SF3B3: variants seen among roughly 807,000 people sequenced by gnomAD.
The protein encoded by SF3B3 is SAP 130.
In SF3B3, 33 loss-of-function variants were observed where a neutral mutation model predicts 139.2. The observed-to-expected ratio is 0.24, with a 90% confidence interval of 0.18 to 0.32. SF3B3 has a LOEUF of 0.32. Among genes scored for constraint, SF3B3 ranks in the 10% least tolerant of loss-of-function variants. The pLI, the probability that SF3B3 is intolerant of heterozygous loss-of-function variation, is 1.00. For synonymous variants in SF3B3, 596 were observed against 563.6 expected, an observed-to-expected ratio of 1.06 and a Z score of -0.81; for missense variants, 818 against 1,509.4, an observed-to-expected ratio of 0.54 and a Z score of 7.59.
In SF3B3 at chr16:70,576,319, C is replaced by T. The variant is rs1208190381; in HGVS notation, c.*4506C>T. ...GCCCCACCCTACCCCACCCCACCCCCGTATGCAGCATCTCTGGCGGTGCCC... is the reference window on the plus strand; with the variant it reads ...GCCCCACCCTACCCCACCCCACCCCTGTATGCAGCATCTCTGGCGGTGCCC... On this transcript the variant is annotated 3_prime_UTR_variant, in exon 26 of 26. Coordinates refer to ENST00000302516, the MANE Select transcript of SF3B3 (RefSeq NM_012426.5). 6.6e-6 allele frequency: 1 copy of T among 150,880 alleles called. No homozygotes were observed. The highest frequency in any genetic ancestry group is 1.5e-5 in the Non-Finnish European group (1 of 67,776). 9.3% of individuals were successfully genotyped at this position (150,880 alleles called of 1,614,324 possible). A position where few individuals can be genotyped will look rare whatever the true frequency, so the allele number is the denominator to read the frequency against.
Position 70,568,239 on chromosome 16 carries a change from C to G in SF3B3, c.2953-44C>G, listed in dbSNP as rs561708035. On this transcript the variant is annotated intron_variant, in intron 21 of 25. Coordinates refer to ENST00000302516, the MANE Select transcript of SF3B3 (RefSeq NM_012426.5). The stretch of plus-strand genomic sequence containing the variant: ...GCTGGGCTTTCTTTGGGTTCTGAAC[C>G]CCAAGATTACACCCACCATCACTAT... 4.7e-6 allele frequency: 7 copies of G among 1,480,720 alleles called. No homozygotes were observed. In the African/African-American group the frequency reaches 5.5e-5, roughly 12 times the overall value. 91.7% of individuals were successfully genotyped at this position (1,480,720 alleles called of 1,614,324 possible).
chr16:70,541,018 C>T (rs547493123), intron 8 of SF3B3, among the ~76,000 whole-genome samples: 2 of 152,118 alleles, frequency 1.3e-5, no homozygotes, highest in African/African-American at 2.4e-5. Context: ...TGAGAAACCA[C>T]CAAACTTTCT....
At chr16:70,536,093 C>G (rs1249133660) in intron 6 of SF3B3, among the ~76,000 whole-genome samples, 1 of 151,952 alleles carries the variant, frequency 6.6e-6, no homozygotes, top group African/African-American at 2.4e-5. Context: ...TCATATTTCT[C>G]TCATTATCCC....
intron 8 of SF3B3, among the ~76,000 whole-genome samples, chr16:70,539,676 T>G (rs1242043011): frequency 6.6e-6 from 1 of 152,196 alleles, no homozygotes; most frequent in Non-Finnish European, 1.5e-5. Context: ...CTTACCTTCC[T>G]TTATTTTAGT....
intron 10 of SF3B3, among the ~76,000 whole-genome samples, chr16:70,545,523 T>C (rs1055832984): frequency 1.3e-5 from 2 of 152,220 alleles, no homozygotes; most frequent in Non-Finnish European, 2.9e-5. Context: ...AGTCCTAATG[T>C]TAATGCTTTC....
intron 6 of SF3B3, among the ~76,000 whole-genome samples, chr16:70,535,898 A>G (rs992354575): frequency 2.0e-5 from 3 of 152,102 alleles, no homozygotes; most frequent in Non-Finnish European, 4.4e-5. Context: ...TGATATATCC[A>G]TATACTTTCT....
At chr16:70,533,536 C>G (rs1177565230) in intron 5 of SF3B3, among the ~76,000 whole-genome samples, 1 of 152,064 alleles carries the variant, frequency 6.6e-6, no homozygotes, top group African/African-American at 2.4e-5. Flanking sequence ...TTTAAATGCA[C>G]ATAGCTAAGT....
chr16:70,528,295 G>A (rs2050085031), intron 2 of SF3B3, among the ~76,000 whole-genome samples: 1 of 150,664 alleles, frequency 6.6e-6, no homozygotes, highest in African/African-American at 2.4e-5. Context: ...CTCTGGAGTA[G>A]CTGGGATTAT....
rs1454366323 is a variant in SF3B3, at chr16:70,533,158, ATCT to A, written c.712+543_712+545del. On this transcript the variant is annotated intron_variant, in intron 5 of 25. Transcript: ENST00000302516. ...GTCCAGGATTTTCAGGAAAGCTTTT[ATCT>A]TCTTGTTGAGGGACATATATGTATT... is the stretch of plus-strand genomic sequence containing the variant. Among the ~76,000 whole-genome samples, 4 of 152,300 alleles carry A rather than the reference ATCT, an allele frequency of 2.6e-5. No individual in the cohort carries two copies. The South Asian group carries it at 8.3e-4, about 32-fold the overall frequency.
rs2050538650 is a variant in SF3B3 at position 70,572,485 on chromosome 16, T to C, written c.*672T>C. ...TTTTTCCTGGTTCTTTTTGCTGTGC[T>C]GATGAAACATGACCTCAATAACCAT... is the stretch of plus-strand genomic sequence containing the variant. On this transcript the variant is annotated 3_prime_UTR_variant, in exon 26 of 26. Transcript: ENST00000302516. 1 of 177,796 alleles carries C rather than the reference T, an allele frequency of 5.6e-6. No homozygotes were observed. The highest frequency in any genetic ancestry group is 1.2e-5 in the Non-Finnish European group (1 of 85,144). 11.0% of individuals were successfully genotyped at this position (177,796 alleles called of 1,614,324 possible). A position where few individuals can be genotyped will look rare whatever the true frequency, so the allele number is the denominator to read the frequency against.
At chr16:70,562,418 T>G (rs2050437495) in intron 17 of SF3B3, among the ~76,000 whole-genome samples, 1 of 152,232 alleles carries the variant, frequency 6.6e-6, no homozygotes, top group Admixed American at 6.5e-5. Flanking sequence ...CTATTGCTTA[T>G]CAAATGAGCT....
intron 6 of SF3B3, 130 bp downstream of exon 6, chr16:70,535,550 A>G (rs1269924097): frequency 2.2e-6 from 1 of 450,672 alleles, no homozygotes; most frequent in Non-Finnish European, 4.0e-6. Flanking sequence ...TGGGGCAGGG[A>G]CGTAAATGTT....
intron 5 of SF3B3, among the ~76,000 whole-genome samples, chr16:70,533,821 G>A (rs1465855397): frequency 6.6e-6 from 1 of 152,182 alleles, no homozygotes; most frequent in Non-Finnish European, 1.5e-5. Context: ...AATACGTTAA[G>A]CAGATGAATT....
At chr16:70,570,845 A>C (rs1336676822) in intron 24 of SF3B3, among the ~76,000 whole-genome samples, 2 of 152,254 alleles carry the variant, frequency 1.3e-5, no homozygotes, top group African/African-American at 4.8e-5. Context: ...AGCTGGGATC[A>C]GGAATCTGAC....
chr16:70,542,486 AT>A (rs2050228500), intron 9 of SF3B3, among the ~76,000 whole-genome samples: 1 of 152,152 alleles, frequency 6.6e-6, no homozygotes, highest in East Asian at 1.9e-4. Flanking sequence ...GAATTTGATC[AT>A]GTTGCTGCAT....
chr16:70,525,321 C>T (rs2050049291), intron 1 of SF3B3, among the ~76,000 whole-genome samples: 1 of 152,270 alleles, frequency 6.6e-6, no homozygotes, highest in East Asian at 1.9e-4. Flanking sequence ...GCCACCACTG[C>T]GCCTGGCCTC....
intron 20 of SF3B3, among the ~76,000 whole-genome samples, chr16:70,565,920 C>G (rs2151793949): frequency 6.6e-6 from 1 of 151,928 alleles, no homozygotes; most frequent in Admixed American, 6.5e-5. Context: ...AGTTCGAGAC[C>G]AGCCCGGCCA....
At position 70,574,168 on chromosome 16, in the gene SF3B3, G is replaced by A. The variant is rs2050555353; in HGVS notation, c.*2355G>A. 2 of 152,038 alleles carry A rather than the reference G, an allele frequency of 1.3e-5. No homozygotes were observed. Among genetic ancestry groups the A allele is most frequent in the South Asian group, 2.1e-4 (1 of 4,820 alleles). The allele number at this position is 152,038 out of a possible 1,614,324, so 9.4% of individuals were successfully genotyped here. A position where few individuals can be genotyped will look rare whatever the true frequency, so the allele number is the denominator to read the frequency against. On this transcript the variant is annotated 3_prime_UTR_variant, in exon 26 of 26. Coordinates refer to ENST00000302516, the MANE Select transcript of SF3B3 (RefSeq NM_012426.5). ...CTTTCAAATTTTTTTTAATTCCTAA[G>A]TTCTGTTTTATTTTTTAATTTTTTA...
chr16:70,571,534 C>T (rs2050529280), intron 25 of SF3B3, 139 bp from the exon 26 acceptor site: 1 of 906,252 alleles, frequency 1.1e-6, no homozygotes, highest in South Asian at 1.8e-5. Context: ...CACTGCACTG[C>T]AACCCGGATG....
Sources: allele counts gnomAD v4.1 joint callset (sites outside exome capture counted in the v4.1 genomes callset), GRCh38; gene constraint gnomAD v4.1.1; transcripts MANE v1.5; gene names NCBI Gene and HGNC (gene_info 2026-07-23, HGNC 2026-07-21).